MYO7B: variants seen among roughly 807,000 people sequenced by gnomAD.
MYO7B encodes unconventional myosin-VIIb.
In MYO7B, 212 loss-of-function variants were observed where a neutral mutation model predicts 259.7. The observed-to-expected ratio is 0.82, with a 90% CI of 0.73 to 0.91. The LOEUF (loss-of-function observed/expected upper bound fraction) is 0.91, where lower values mean the gene tolerates loss of function less well. MYO7B is among the 40% of genes least tolerant of loss of function. The pLI is 0.00. For synonymous variants in MYO7B, 1,197 were observed against 1,166.4 expected (o/e 1.03, Z -0.54); for missense variants, 2,732 against 2,813.5 (o/e 0.97, Z 0.66).
rs766065115 is a variant in MYO7B, at chr2:127,626,716, T to C, written c.4216-259T>C. On this transcript the variant is annotated intron_variant, in intron 31 of 47. Coordinates refer to ENST00000409816, the MANE Select transcript of MYO7B (RefSeq NM_001393586.1). ...ATCGCTTGAACTCGGGAGGCGGAGC[T>C]TGCGGTGAGCCAAGATCGCACCACT... The C allele has an allele frequency of 9.5e-4, 339 of 358,054 alleles. 2 individuals carry two copies. The highest frequency in any genetic ancestry group is 1.6e-3 in the Middle Eastern group (2 of 1,270). The allele number at this position is 358,054 out of a possible 1,614,324, so 22.2% of individuals were successfully genotyped here. A position where few individuals can be genotyped will look rare whatever the true frequency, so the allele number is the denominator to read the frequency against.
rs140881804 is a variant in MYO7B, at chr2:127,628,711, C to T, written c.4624+176C>T. Among the ~76,000 whole-genome samples, 8 of 152,326 alleles carry T rather than the reference C, an allele frequency of 5.3e-5. No homozygotes were observed. The East Asian group carries it at 1.5e-3, about 29-fold the overall frequency. On this transcript the variant is annotated intron_variant, in intron 34 of 47. Coordinates refer to ENST00000409816, the MANE Select transcript of MYO7B (RefSeq NM_001393586.1). The surrounding 1 kb of genome is among the most constrained non-coding windows in gnomAD (Gnocchi z 4.8). The stretch of plus-strand genomic sequence containing the variant: ...AGGCAAGGCCCTGCCTTCTTTCAGC[C>T]ACTGCTTCCTCTTCTACAAAATGAG...
At chr2:127,552,942 CCTT>C (rs1338188836) in intron 1 of MYO7B, among the ~76,000 whole-genome samples, 3 of 152,188 alleles carry the variant, frequency 2.0e-5, no homozygotes, top group African/African-American at 7.2e-5. Flanking sequence ...AGAAAATTCT[CCTT>C]CTTTGCTTAC....
At chr2:127,601,270 A>G (rs764065835) in intron 19 of MYO7B, among the ~76,000 whole-genome samples, 1 of 152,248 alleles carries the variant, frequency 6.6e-6, no homozygotes, top group Non-Finnish European at 1.5e-5. Context: ...TTCTAAGAGC[A>G]CTTGGAAAGA....
At chr2:127,550,848 G>A (rs1326382345) in intron 1 of MYO7B, among the ~76,000 whole-genome samples, 4 of 103,310 alleles carry the variant, frequency 3.9e-5, no homozygotes. Context: ...GACCAGGAGA[G>A]TGGACGAGGA....
intron 17 of MYO7B, 63 bp from the exon 18 acceptor site, chr2:127,593,483 C>G: frequency 6.7e-7 from 1 of 1,500,472 alleles, no homozygotes; most frequent in Non-Finnish European, 9.1e-7. Flanking sequence ...GACACCACCC[C>G]CAGAGAGCCG....
chr2:127,539,239 A>C lies in MYO7B; in HGVS notation c.-24+3408A>C, dbSNP rs965942012. 2.6e-5 allele frequency among the ~76,000 whole-genome samples: 4 copies of C among 152,236 alleles called. No homozygotes were observed. Among genetic ancestry groups the C allele is most frequent in the Non-Finnish European group, 2.9e-5 (2 of 68,044 alleles). On this transcript the variant is annotated intron_variant, in intron 1 of 47. Transcript: ENST00000409816. This position sits in a 1 kb window ranked among gnomAD's most constrained non-coding sequence, Gnocchi z 4.0. ...ATACAACAGAATCAAAAATAAAATA[A>C]GCTGGGACGTAGGATAAATGAAGGT...
Position 127,576,592 on chromosome 2 carries a change from C to G in MYO7B, c.736-3C>G, listed in dbSNP as rs1291643038. 1.3e-6 allele frequency: 2 copies of G among 1,575,042 alleles called. No individual in the cohort carries two copies. Among genetic ancestry groups the G allele is most frequent in the Non-Finnish European group, 1.7e-6 (2 of 1,149,380 alleles). On this transcript the variant is annotated splice_polypyrimidine_tract_variant and splice_region_variant and intron_variant, in intron 7 of 47. Coordinates refer to ENST00000409816, the MANE Select transcript of MYO7B (RefSeq NM_001393586.1). The surrounding 1 kb of genome is among the most constrained non-coding windows in gnomAD (Gnocchi z 4.9). The stretch of plus-strand genomic sequence containing the variant: ...TGTCTGGAATGCCCTCCCTCCCTCC[C>G]AGGCTCCCGAGGAGCGGAACTACCA...
rs1371518553 is a variant in MYO7B at position 127,609,481 on chromosome 2, C to T, written c.2815-25C>T. 7 of 1,593,896 alleles carry T rather than the reference C, an allele frequency of 4.4e-6. No homozygotes were observed. Among genetic ancestry groups the T allele is most frequent in the Non-Finnish European group, 5.1e-6 (6 of 1,169,854 alleles). On this transcript the variant is annotated intron_variant, in intron 22 of 47. Coordinates refer to ENST00000409816, the MANE Select transcript of MYO7B (RefSeq NM_001393586.1). The surrounding 1 kb of genome is among the most constrained non-coding windows in gnomAD (Gnocchi z 6.9). ...GTTGTTACCTGAAAGCCCTGCTGAC[C>T]CGTGTTCTCCCTCAATGGCCGTAGG...
chr2:127,626,211 A>G (rs1196005698), intron 31 of MYO7B: 7 of 152,452 alleles, frequency 4.6e-5, no homozygotes, highest in Admixed American at 3.9e-4. Flanking sequence ...ACAAGGAGCT[A>G]GAGGTGGTCC....
At chr2:127,593,522 G>C (rs780955121) in intron 17 of MYO7B, 24 bp from the exon 18 acceptor site, 1 of 1,608,568 alleles carries the variant, frequency 6.2e-7, no homozygotes, top group South Asian at 1.1e-5. Flanking sequence ...ACCTCCCACC[G>C]ATACCCCCGT....
At chr2:127,603,768 C>G (rs1449231411) in intron 19 of MYO7B, among the ~76,000 whole-genome samples, 1 of 152,240 alleles carries the variant, frequency 6.6e-6, no homozygotes, top group East Asian at 1.9e-4. Flanking sequence ...GCACTGAACT[C>G]TCTATACCTC....
At chr2:127,599,772 T>G (rs1203478204) in intron 19 of MYO7B, among the ~76,000 whole-genome samples, 2 of 152,228 alleles carry the variant, frequency 1.3e-5, no homozygotes, top group Admixed American at 1.3e-4. Flanking sequence ...GATAATGATA[T>G]GTGATTTTTC....
chr2:127,623,139 G>A (rs1387291296), intron 28 of MYO7B, 63 bp from the exon 29 acceptor site: 1 of 1,578,830 alleles, frequency 6.3e-7, no homozygotes, highest in South Asian at 1.1e-5. Context: ...GTAGTGGATG[G>A]GGGGTTGGCC....
intron 47 of MYO7B, 67 bp from the exon 48 acceptor site, chr2:127,637,249 C>A: frequency 8.2e-7 from 1 of 1,225,740 alleles, no homozygotes; most frequent in Non-Finnish European, 1.2e-6. Context: ...AGAAGGTGGT[C>A]CCTGAGTCCA....
chr2:127,575,947 T>C (rs1346181536), intron 7 of MYO7B, among the ~76,000 whole-genome samples: 2 of 152,202 alleles, frequency 1.3e-5, no homozygotes, highest in Non-Finnish European at 2.9e-5. Flanking sequence ...TGCTTCAGAT[T>C]GTTTGATTTG....
intron 35 of MYO7B, 137 bp downstream of exon 35, chr2:127,629,963 CCCA>C: frequency 1.1e-6 from 1 of 912,128 alleles, no homozygotes; most frequent in Non-Finnish European, 1.5e-6. Flanking sequence ...CCGGGCAGCC[CCCA>C]CCATTCCTGC....
rs1412508846 is a variant in MYO7B, at chr2:127,564,240, G to A, written c.106G>A (p.Val36Ile). The stretch of plus-strand genomic sequence containing the variant: ...CATCAAAGAGGCAAAGCCAGGCAAA[G>A]TCTTGGTTGAAGATGACGAGGGCAA... ...GIIKEAKPGK[V>I]LVEDDEGKEH... The change falls in exon 3 of 48, where the codon GTC becomes ATC. Residue 36 changes from valine (V) to isoleucine (I), a missense_variant. Transcript: ENST00000409816. 11 of 1,578,652 alleles carry A rather than the reference G, an allele frequency of 7.0e-6. No individual in the cohort carries two copies. Among genetic ancestry groups the A allele is most frequent in the Admixed American group, 1.9e-5 (1 of 53,970 alleles).
chr2:127,586,719 A>G lies in MYO7B; in HGVS notation c.1691-1673A>G, dbSNP rs1379469536. ...TAAGATTAAGGTCGATTCTTTCTAGACTTTCTGGTTGCAGAAATATTAATT... is the reference window on the plus strand; with the variant it reads ...TAAGATTAAGGTCGATTCTTTCTAGGCTTTCTGGTTGCAGAAATATTAATT... On this transcript the variant is annotated intron_variant, in intron 14 of 47. Coordinates refer to ENST00000409816, the MANE Select transcript of MYO7B (RefSeq NM_001393586.1). The surrounding 1 kb of genome is among the most constrained non-coding windows in gnomAD (Gnocchi z 4.8). Among the ~76,000 whole-genome samples, 1 of 152,202 alleles carries G rather than the reference A, an allele frequency of 6.6e-6. No homozygotes were observed. The highest frequency in any genetic ancestry group is 1.5e-5 in the Non-Finnish European group (1 of 68,034).
chr2:127,619,538 CAGAG>C (rs1680744375), intron 26 of MYO7B, among the ~76,000 whole-genome samples: 1 of 152,066 alleles, frequency 6.6e-6, no homozygotes, highest in Non-Finnish European at 1.5e-5. Context: ...TGCAGGAACT[CAGAG>C]AGCCAGCCAT....
Sources: gnomAD v4.1 joint callset for allele counts (sites outside exome capture counted in the v4.1 genomes callset) on GRCh38, gnomAD v4.1.1 for gene constraint, Gnocchi (gnomAD v3.1) non-coding constraint, MANE v1.5 for transcripts, NCBI Gene and HGNC (gene_info 2026-07-23, HGNC 2026-07-21) for gene names.